The following CCDC88A variants were observed in gnomAD, a reference collection of about 807,000 sequenced individuals.
CCDC88A encodes the protein girdin.
In CCDC88A, 54 loss-of-function variants were observed where a neutral mutation model predicts 234.3. The ratio of observed to expected loss-of-function variants is 0.23; its 90% CI spans 0.19 to 0.29. CCDC88A has a LOEUF of 0.29. CCDC88A is among the 10% of genes least tolerant of loss of function. CCDC88A has a pLI of 1.00. For synonymous variants in CCDC88A, 753 were observed against 737.8 expected, an observed-to-expected ratio of 1.02 and a Z score of -0.33; for missense variants, 1,832 against 2,123.4, an observed-to-expected ratio of 0.86 and a Z score of 2.70.
In CCDC88A at chr2:55,328,382, T is replaced by G. The variant is rs889645599; in HGVS notation, c.2909A>C (p.Glu970Ala). The change falls in exon 17 of 33, where the codon GAA (glutamate) becomes GCA (alanine). Residue 970 changes from glutamate to alanine, a missense_variant. Coordinates refer to ENST00000436346, the MANE Select transcript of CCDC88A (RefSeq NM_001365480.1). The surrounding 1 kb of genome is among the most constrained non-coding windows in gnomAD (Gnocchi z 4.3). ...AGCAGCAATTTTTTCTTCTTTTATT[T>G]CAAGAGACTTCTTAAGAGTGGATTC... ...KLESTLKKSL[E>A]IKEEKIAALE... The G allele has an allele frequency of 1.9e-6, 3 of 1,597,348 alleles. No individual in the cohort carries two copies. In the South Asian group the frequency reaches 3.4e-5, roughly 18 times the overall value.
chr2:55,335,022 C>T lies in CCDC88A; in HGVS notation c.1799G>A (p.Ser600Asn). 4.3e-6 allele frequency: 7 copies of T among 1,609,920 alleles called. No homozygotes were observed. The highest frequency in any genetic ancestry group is 5.9e-6 in the Non-Finnish European group (7 of 1,177,398). Residue 600 changes from serine (S) to asparagine (N), a missense_variant, in exon 15 of 33, where the codon AGT becomes AAT. This residue lies in a region of CCDC88A where 1,282 missense variants were observed against 1,543.6 expected (regional missense o/e 0.83). Transcript: ENST00000436346. The surrounding 1 kb of genome is among the most constrained non-coding windows in gnomAD (Gnocchi z 4.5). ...AAATTCAATCTTGCTTAGCTTGCTACTTGTTTCTTTGATAGATTCATGAAG... is the reference window on the plus strand; with the variant it reads ...AAATTCAATCTTGCTTAGCTTGCTATTTGTTTCTTTGATAGATTCATGAAG... ...KILHESIKET[S>N]SKLSKIEFEK...
At chr2:55,404,845 C>G (rs1254929625) in intron 2 of CCDC88A, 1 of 152,274 alleles carries the variant, frequency 6.6e-6, no homozygotes, top group Non-Finnish European at 1.5e-5. Context: ...TTCTCCTGCC[C>G]CAGCCTCCCC....
chr2:55,381,394 A>G (rs892249264), intron 3 of CCDC88A, among the ~76,000 whole-genome samples: 1 of 152,026 alleles, frequency 6.6e-6, no homozygotes, highest in African/African-American at 2.4e-5. Flanking sequence ...CAACAGCAAC[A>G]ACAACAAAAT....
At chr2:55,357,798 T>C (rs1203060285) in intron 7 of CCDC88A, among the ~76,000 whole-genome samples, 1 of 152,174 alleles carries the variant, frequency 6.6e-6, no homozygotes, top group Non-Finnish European at 1.5e-5. Flanking sequence ...CTGTCTTACC[T>C]TCCTGCCAGT....
At chr2:55,302,998 G>A (rs1220052941) in intron 26 of CCDC88A, 71 bp downstream of exon 26, 1 of 949,728 alleles carries the variant, frequency 1.1e-6, no homozygotes, top group East Asian at 2.6e-5. Flanking sequence ...TCCAGAGAAA[G>A]GTTAGTGAAA....
chr2:55,340,922 G>C (rs1291782642), intron 12 of CCDC88A, among the ~76,000 whole-genome samples: 1 of 151,958 alleles, frequency 6.6e-6, no homozygotes, highest in Non-Finnish European at 1.5e-5. Flanking sequence ...TCTCATCTAA[G>C]TGAAATTTTG....
chr2:55,375,336 T>C (rs1673457035), intron 3 of CCDC88A, among the ~76,000 whole-genome samples: 1 of 151,822 alleles, frequency 6.6e-6, no homozygotes, highest in South Asian at 2.1e-4. Context: ...TAAGAAACAT[T>C]CCTCAGTAAA....
At chr2:55,338,669 G>A (rs925941089) in intron 13 of CCDC88A, among the ~76,000 whole-genome samples, 2 of 152,194 alleles carry the variant, frequency 1.3e-5, no homozygotes, top group African/African-American at 4.8e-5. Flanking sequence ...TGTTCAAGAT[G>A]AGCCTAGAAT....
chr2:55,303,277 G>GCTAT, intron 25 of CCDC88A, 125 bp from the exon 26 acceptor site: 1 of 679,574 alleles, frequency 1.5e-6, no homozygotes. Context: ...AGCTATGTAT[G>GCTAT]CTATATTAAG....
intron 2 of CCDC88A, among the ~76,000 whole-genome samples, chr2:55,410,908 T>G (rs562560561): frequency 1.3e-5 from 2 of 150,296 alleles, no homozygotes; most frequent in African/African-American, 4.9e-5. Context: ...AAAAAAAAAA[T>G]TATTAAACTA....
intron 5 of CCDC88A, among the ~76,000 whole-genome samples, chr2:55,369,474 T>C (rs1173048364): frequency 2.1e-5 from 3 of 143,930 alleles, no homozygotes; most frequent in African/African-American, 7.9e-5. Context: ...TTTTTTGAGA[T>C]GAAGTCTTGC....
intron 12 of CCDC88A, among the ~76,000 whole-genome samples, chr2:55,341,663 T>C (rs2043716): frequency 0.066 from 9,533 of 145,072 alleles, 937 homozygotes; most frequent in African/African-American, 0.22. Context: ...CAGGCTGGTC[T>C]TGAACTCTTG....
intron 3 of CCDC88A, among the ~76,000 whole-genome samples, chr2:55,385,931 G>A (rs146284288): frequency 1.5e-5 from 2 of 132,550 alleles, no homozygotes; most frequent in Admixed American, 7.7e-5. Context: ...AGAGCAAAAA[G>A]AATCCAGAGA....
At chr2:55,346,448 T>G (rs891777966) in intron 9 of CCDC88A, 115 bp from the exon 10 acceptor site, 6 of 553,306 alleles carry the variant, frequency 1.1e-5, no homozygotes, top group African/African-American at 2.0e-5. Flanking sequence ...AGATGGAGTT[T>G]CACTCTTGTT....
At chr2:55,408,816 C>A (rs1205873235) in intron 2 of CCDC88A, among the ~76,000 whole-genome samples, 1 of 152,100 alleles carries the variant, frequency 6.6e-6, no homozygotes, top group Non-Finnish European at 1.5e-5. Flanking sequence ...TCCAAGAACC[C>A]TCTCTTGGGG....
intron 25 of CCDC88A, among the ~76,000 whole-genome samples, chr2:55,304,658 T>G (rs1171437557): frequency 1.3e-5 from 2 of 152,114 alleles, no homozygotes; most frequent in African/African-American, 2.4e-5. Flanking sequence ...TTTGAAGGAA[T>G]TTGATTTTGT....
In CCDC88A at chr2:55,328,744, C is replaced by CTTGGTTTGT. The variant is rs1684556215; in HGVS notation, c.2856-310_2856-309insACAAACCAA. 1 of 168,382 alleles carries CTTGGTTTGT rather than the reference C, an allele frequency of 5.9e-6. No homozygotes were observed. Among genetic ancestry groups the CTTGGTTTGT allele is most frequent in the South Asian group, 1.9e-4 (1 of 5,344 alleles). The allele number at this position is 168,382 out of a possible 1,614,324, so 10.4% of individuals were successfully genotyped here. On this transcript the variant is annotated intron_variant, in intron 16 of 32. Transcript: ENST00000436346. This position sits in a 1 kb window ranked among gnomAD's most constrained non-coding sequence, Gnocchi z 4.3. ...ATATCCTTTTTATTAATGAAGACTC[C>CTTGGTTTGT]TTTGTTTTGTTTTGTTTTGTTTTGT...
At chr2:55,401,470 A>T (rs77367016) in intron 2 of CCDC88A, among the ~76,000 whole-genome samples, 1 of 31,516 alleles carries the variant, frequency 3.2e-5, no homozygotes, top group African/African-American at 8.2e-5. Context: ...ATATATACAT[A>T]TGTGTGTGTA....
At chr2:55,312,632 T>A in intron 22 of CCDC88A, 53 bp from the exon 23 acceptor site, 1 of 1,347,972 alleles carries the variant, frequency 7.4e-7, no homozygotes, top group Admixed American at 1.9e-5. Context: ...TTAACATAAA[T>A]CAACTGAAAA....
Sources: allele counts gnomAD v4.1 joint callset (sites outside exome capture counted in the v4.1 genomes callset), GRCh38; gene constraint gnomAD v4.1.1; regional missense constraint gnomAD v4.1.1; non-coding constraint Gnocchi (gnomAD v3.1); transcripts MANE v1.5; gene names NCBI Gene and HGNC (gene_info 2026-07-23, HGNC 2026-07-21).